TDRD9: variants seen among roughly 807,000 people sequenced by gnomAD.
TDRD9 encodes tudor domain containing 9.
TDRD9 carries 124 observed loss-of-function variants against 172.6 expected under a neutral mutation model. That is an observed-to-expected ratio of 0.72 (90% CI 0.62 to 0.83). The LOEUF (loss-of-function observed/expected upper bound fraction) is 0.83. Ranked by LOEUF, TDRD9 falls within the 40% of genes least tolerant of loss-of-function variation. The pLI is 0.00. For synonymous variants in TDRD9, 619 were observed against 617.1 expected, an observed-to-expected ratio of 1.00 and a Z score of -0.05; for missense variants, 1,479 against 1,714.1, an observed-to-expected ratio of 0.86 and a Z score of 2.42.
chr14:104,004,251 A>G lies in TDRD9; in HGVS notation c.1497A>G (p.Arg499=). 1 of 1,583,910 alleles carries G rather than the reference A, an allele frequency of 6.3e-7. No individual in the cohort carries two copies. Among genetic ancestry groups the G allele is most frequent in the Non-Finnish European group, 8.6e-7 (1 of 1,158,166 alleles). ...SCNQRKGRAG[R]VSRGYCYRLV... ...TCTCCTTTGAAGGCCGTGCTGGACG[A>G]GTGTCTAGAGGGTACTGTTACCGGC... Residue 499 remains arginine, a synonymous_variant, in exon 14 of 36, where the codon CGA becomes CGG. Coordinates refer to ENST00000409874, the MANE Select transcript of TDRD9 (RefSeq NM_153046.3).
chr14:103,938,442 T>TATA (rs1566723398), intron 1 of TDRD9, among the ~76,000 whole-genome samples: 1 of 102,514 alleles, frequency 9.8e-6, no homozygotes, highest in African/African-American at 3.8e-5. Flanking sequence ...ATATATATAT[T>TATA]TTTTTTTTTT....
intron 1 of TDRD9, among the ~76,000 whole-genome samples, chr14:103,952,053 C>T (rs1461781329): frequency 1.3e-5 from 2 of 150,010 alleles, no homozygotes; most frequent in East Asian, 2.0e-4. Context: ...CCGGCGTGAG[C>T]CACCATGCCC....
At position 104,033,992 on chromosome 14, in the gene TDRD9, C is replaced by G; in HGVS notation, c.3542C>G (p.Ser1181Cys). The G allele has an allele frequency of 6.4e-7, 1 of 1,551,576 alleles. No individual in the cohort carries two copies. The highest frequency in any genetic ancestry group is 1.4e-5 in the African/African-American group (1 of 73,128). Reference sequence around the variant, plus strand: ...TGGATTGAGAAGGAGAGCATCAACTCTGTCATTATCAGTGACGCCCCTGAA... The same window carrying G: ...TGGATTGAGAAGGAGAGCATCAACTGTGTCATTATCAGTGACGCCCCTGAA... ...CVWIEKESIN[S>C]VIISDAPEDL... The change falls in exon 31 of 36, where the codon TCT becomes TGT. Residue 1181 changes from serine to cysteine, a missense_variant. Around this residue, in one of 3 missense-constraint regions of TDRD9, gnomAD observed 1,413 missense variants for 1,649.1 expected, o/e 0.86. Coordinates refer to ENST00000409874, the MANE Select transcript of TDRD9 (RefSeq NM_153046.3).
At position 103,955,789 on chromosome 14, in the gene TDRD9, A is replaced by G; in HGVS notation, c.322+19A>G. 1 of 1,536,164 alleles carries G rather than the reference A, an allele frequency of 6.5e-7. No individual in the cohort carries two copies. The highest frequency in any genetic ancestry group is 8.8e-7 in the Non-Finnish European group (1 of 1,134,570). On this transcript the variant is annotated intron_variant, in intron 2 of 35. Transcript: ENST00000409874. ...GGGCCAGGTAAACAGGTCTCTTTAA[A>G]TATTTTAGATAGGATGCATGAGTGG...
At chr14:103,999,642 G>GTCATTTAATCTTTTAATCTTCCTT (rs2034185928) in intron 13 of TDRD9, among the ~76,000 whole-genome samples, 1 of 125,956 alleles carries the variant, frequency 7.9e-6, no homozygotes, top group African/African-American at 3.1e-5. Context: ...TTGTTTTTTA[G>GTCATTTAATCTTTTAATCTTCCTT]AAAACCTTTT....
chr14:103,979,875 C>CT (rs5811124), intron 7 of TDRD9, among the ~76,000 whole-genome samples: 4,131 of 144,152 alleles, frequency 0.029, 145 homozygotes, highest in Admixed American at 0.12. Flanking sequence ...TTTTCTGACT[C>CT]TTTTTTTTTT....
At chr14:103,953,241 C>T (rs572905880) in intron 1 of TDRD9, among the ~76,000 whole-genome samples, 1 of 152,292 alleles carries the variant, frequency 6.6e-6, no homozygotes, top group South Asian at 2.1e-4. Context: ...TCTCCATACC[C>T]TTCTGCTCCC....
At chr14:104,000,180 T>C (rs1188666540) in intron 13 of TDRD9, among the ~76,000 whole-genome samples, 2 of 151,704 alleles carry the variant, frequency 1.3e-5, no homozygotes, top group Admixed American at 1.3e-4. Flanking sequence ...CACAAAAAAT[T>C]AGCTGGGTGT....
At chr14:104,018,463 A>T (rs2034858046) in intron 23 of TDRD9, among the ~76,000 whole-genome samples, 1 of 152,208 alleles carries the variant, frequency 6.6e-6, no homozygotes, top group Non-Finnish European at 1.5e-5. Flanking sequence ...GTGTGATGCT[A>T]AGGCGGATTC....
chr14:103,997,898 A>G lies in TDRD9; in HGVS notation c.1379-726A>G, dbSNP rs2034110943. Among the ~76,000 whole-genome samples the G allele has an allele frequency of 6.6e-6, 1 of 152,142 alleles. No individual in the cohort carries two copies. Among genetic ancestry groups the G allele is most frequent in the Admixed American group, 6.5e-5 (1 of 15,270 alleles). ...GCGTCTGCTTGGAGTGGGCTCAAGA[A>G]AGGATGGGAAGAAATGAACAAAGAA... is the stretch of plus-strand genomic sequence containing the variant. On this transcript the variant is annotated intron_variant, in intron 12 of 35. Coordinates refer to ENST00000409874, the MANE Select transcript of TDRD9 (RefSeq NM_153046.3). This position sits in a 1 kb window ranked among gnomAD's most constrained non-coding sequence, Gnocchi z 5.1.
At chr14:104,018,907 G>A (rs769675459) in intron 23 of TDRD9, among the ~76,000 whole-genome samples, 11 of 151,978 alleles carry the variant, frequency 7.2e-5, no homozygotes, top group Non-Finnish European at 1.5e-4. Context: ...TTCAATTTGG[G>A]GTAATTCCCT....
intron 28 of TDRD9, among the ~76,000 whole-genome samples, chr14:104,030,836 GGGGAGA>G (rs2035260098): frequency 6.6e-6 from 1 of 152,178 alleles, no homozygotes; most frequent in Admixed American, 6.5e-5. Flanking sequence ...TGTGGGGTGA[GGGGAGA>G]GGGGAGGGAT....
intron 24 of TDRD9, among the ~76,000 whole-genome samples, chr14:104,023,608 C>T (rs1041551379): frequency 6.6e-6 from 1 of 152,272 alleles, no homozygotes; most frequent in South Asian, 2.1e-4. Context: ...AACTGAGTCA[C>T]CCATGGTATT....
chr14:103,982,272 T>C (rs925924780), intron 7 of TDRD9, among the ~76,000 whole-genome samples: 6 of 152,248 alleles, frequency 3.9e-5, no homozygotes, highest in Non-Finnish European at 7.3e-5. Context: ...GGTCTCAGGC[T>C]GCTCTCCAGC....
At chr14:104,049,824 G>C in intron 35 of TDRD9, 144 bp downstream of exon 35, 1 of 642,750 alleles carries the variant, frequency 1.6e-6, no homozygotes, top group Non-Finnish European at 2.8e-6. Flanking sequence ...TTGGGGGCCA[G>C]CTGGCAAATG....
Position 103,981,720 on chromosome 14 carries a change from C to A in TDRD9, c.1012-4497C>A, listed in dbSNP as rs137900467. On this transcript the variant is annotated intron_variant, in intron 7 of 35. Coordinates refer to ENST00000409874, the MANE Select transcript of TDRD9 (RefSeq NM_153046.3). ...TATTTAGCCTATAGTTGGGCAAAAT[C>A]ACCAAATACAAGGCCTATTTTATAA... 4.7e-3 allele frequency among the ~76,000 whole-genome samples: 716 copies of A among 152,284 alleles called. 4 individuals carry two copies. The highest frequency in any genetic ancestry group is 0.016 in the African/African-American group (685 of 41,562).
chr14:103,977,437 G>A (rs2033290238), intron 7 of TDRD9, among the ~76,000 whole-genome samples: 2 of 132,390 alleles, frequency 1.5e-5, no homozygotes, highest in South Asian at 2.4e-4. Context: ...AGCTTGCAGT[G>A]AGCCAAGATT....
chr14:103,946,375 C>G (rs1352693067), intron 1 of TDRD9, among the ~76,000 whole-genome samples: 1 of 152,142 alleles, frequency 6.6e-6, no homozygotes, highest in Non-Finnish European at 1.5e-5. Context: ...TAAAAACTCT[C>G]AACAAACTAG....
chr14:103,991,492 A>G (rs2033864684), intron 9 of TDRD9, among the ~76,000 whole-genome samples: 1 of 151,742 alleles, frequency 6.6e-6, no homozygotes, highest in South Asian at 2.1e-4. Context: ...GGCTCACTGC[A>G]ACCTCTGCCT....
Sources: gnomAD v4.1 joint callset for allele counts (sites outside exome capture counted in the v4.1 genomes callset) on GRCh38, gnomAD v4.1.1 for gene constraint, gnomAD v4.1.1 regional missense constraint, Gnocchi (gnomAD v3.1) non-coding constraint, MANE v1.5 for transcripts, NCBI Gene and HGNC (gene_info 2026-07-23, HGNC 2026-07-21) for gene names.